ADGRV1: variants seen among roughly 807,000 people sequenced by gnomAD.
The protein encoded by ADGRV1 is G-protein coupled receptor 98.
A neutral mutation model predicts 596.2 loss-of-function variants in ADGRV1; 359 were observed. The observed-to-expected ratio is 0.60, with a 90% CI of 0.55 to 0.66. The LOEUF (loss-of-function observed/expected upper bound fraction) is 0.66. ADGRV1 is among the 30% of genes least tolerant of loss of function. The pLI is 0.00. For missense variants in ADGRV1, 7,274 were observed against 7,575.6 expected, an observed-to-expected ratio of 0.96 and a Z score of 1.48; for synonymous variants, 2,681 against 2,679.2, an observed-to-expected ratio of 1.00 and a Z score of -0.02.
intron 50 of ADGRV1, among the ~76,000 whole-genome samples, chr5:90,732,575 C>A (rs1288042855): frequency 6.6e-6 from 1 of 152,146 alleles, no homozygotes; most frequent in East Asian, 1.9e-4. Context: ...CATCTTATAA[C>A]TGAAAGTTGG....
intron 45 of ADGRV1, among the ~76,000 whole-genome samples, chr5:90,721,571 T>TAAATAAA (rs1554094692): frequency 7.4e-6 from 1 of 135,044 alleles, no homozygotes; most frequent in African/African-American, 2.8e-5. Flanking sequence ...TAAAATAAAA[T>TAAATAAA]AAAATAAAAT....
chr5:90,909,227 G>A (rs1297879498), intron 83 of ADGRV1, among the ~76,000 whole-genome samples: 1 of 152,160 alleles, frequency 6.6e-6, no homozygotes, highest in African/African-American at 2.4e-5. Flanking sequence ...TGTTGCTTGG[G>A]CCTCACATCT....
intron 87 of ADGRV1, among the ~76,000 whole-genome samples, chr5:91,148,697 C>T (rs1474778067): frequency 6.6e-6 from 1 of 152,122 alleles, no homozygotes; most frequent in Non-Finnish European, 1.5e-5. Context: ...GAGAAGAGGC[C>T]CACCATCTTC....
At chr5:90,825,133 C>T (rs2150308622) in intron 76 of ADGRV1, among the ~76,000 whole-genome samples, 1 of 152,250 alleles carries the variant, frequency 6.6e-6, no homozygotes, top group Non-Finnish European at 1.5e-5. Flanking sequence ...GACGGGGTTT[C>T]ACCCTGTTGG....
intron 83 of ADGRV1, among the ~76,000 whole-genome samples, chr5:90,955,580 G>A (rs1222770637): frequency 2.6e-5 from 4 of 152,172 alleles, no homozygotes; most frequent in Admixed American, 6.5e-5. Context: ...ATAAAGGAAT[G>A]AAAAGATCTG....
intron 87 of ADGRV1, among the ~76,000 whole-genome samples, chr5:91,130,167 C>A (rs2950857): frequency 1 from 150,494 of 151,184 alleles, 74,947 homozygotes; most frequent in Middle Eastern, 1. Context: ...TATTTCCATT[C>A]AGCTAAAGTC....
chr5:90,810,588 A>G lies in ADGRV1; in HGVS notation c.15328A>G (p.Ser5110Gly). 1 of 1,614,006 alleles carries G rather than the reference A, an allele frequency of 6.2e-7. No individual in the cohort carries two copies. Among genetic ancestry groups the G allele is most frequent in the East Asian group, 2.2e-5 (1 of 44,892 alleles). Residue 5110 changes from serine (S) to glycine (G), a missense_variant, in exon 74 of 90, where the codon AGC (serine) becomes GGC (glycine). Ser to Gly is a moderately conservative substitution (Grantham distance 56). This residue lies in a region of ADGRV1 where 1,874 missense variants were observed against 1,970.2 expected (regional missense o/e 0.95). Coordinates refer to ENST00000405460, the MANE Select transcript of ADGRV1 (RefSeq NM_032119.4). Reference sequence around the variant, plus strand: ...ATTACAAAAGTTTGATGTTAATTGGAGCCCACGCCTGAATCTAGATTTCAG... The same window carrying G: ...ATTACAAAAGTTTGATGTTAATTGGGGCCCACGCCTGAATCTAGATTTCAG... ...RGLQKFDVNW[S>G]PRLNLDFSVA... is the part of the protein sequence containing the mutation.
At chr5:91,105,757 A>G (rs1346705722) in intron 87 of ADGRV1, among the ~76,000 whole-genome samples, 2 of 152,086 alleles carry the variant, frequency 1.3e-5, no homozygotes, top group African/African-American at 4.8e-5. Flanking sequence ...CTCATCTTCT[A>G]GGTTGTGTTT....
At chr5:91,111,445 G>A (rs1422166803) in intron 87 of ADGRV1, among the ~76,000 whole-genome samples, 1 of 152,152 alleles carries the variant, frequency 6.6e-6, no homozygotes, top group East Asian at 1.9e-4. Flanking sequence ...TGGAATATTG[G>A]ATCAAATTAA....
intron 79 of ADGRV1, 68 bp downstream of exon 79, chr5:90,848,889 T>C (rs1766188376): frequency 1.8e-6 from 2 of 1,099,752 alleles, no homozygotes; most frequent in South Asian, 1.6e-5. Flanking sequence ...AAGCAATATG[T>C]AATGCAAAAT....
intron 1 of ADGRV1, among the ~76,000 whole-genome samples, chr5:90,566,721 T>A (rs750389347): frequency 3.9e-5 from 6 of 152,090 alleles, no homozygotes; most frequent in African/African-American, 2.4e-5. Context: ...TTTTTTTATG[T>A]ATGGTGTTTT....
rs549759045 is a variant in ADGRV1, at chr5:90,915,670, G to C, written c.17857-49745G>C. On this transcript the variant is annotated intron_variant, in intron 83 of 89. Coordinates refer to ENST00000405460, the MANE Select transcript of ADGRV1 (RefSeq NM_032119.4). ...ACTGTGATCAATGCATGCTACCAAG[G>C]GGGTGCTGCTGGCTGACCTATGATG... 2.0e-5 allele frequency among the ~76,000 whole-genome samples: 3 copies of C among 152,220 alleles called. No individual in the cohort carries two copies. In the South Asian group the frequency reaches 6.2e-4, roughly 32 times the overall value.
At chr5:91,022,278 G>C (rs925912302) in intron 85 of ADGRV1, among the ~76,000 whole-genome samples, 1 of 151,956 alleles carries the variant, frequency 6.6e-6, no homozygotes, top group African/African-American at 2.4e-5. Flanking sequence ...ATCTTCATGA[G>C]TAGAATTTAT....
chr5:90,853,923 A>T, intron 80 of ADGRV1, 139 bp from the exon 81 acceptor site: 1 of 672,212 alleles, frequency 1.5e-6, no homozygotes, highest in South Asian at 1.9e-5. Context: ...TCCTGCATGC[A>T]TAAGTGAGCT....
intron 25 of ADGRV1, among the ~76,000 whole-genome samples, chr5:90,678,255 A>T (rs1400348210): frequency 6.6e-6 from 1 of 152,066 alleles, no homozygotes; most frequent in African/African-American, 2.4e-5. Flanking sequence ...ATATTGGTAG[A>T]AGCGTATACG....
At chr5:90,892,137 C>A (rs969146806) in intron 83 of ADGRV1, among the ~76,000 whole-genome samples, 1 of 151,562 alleles carries the variant, frequency 6.6e-6, no homozygotes, top group Non-Finnish European at 1.5e-5. Context: ...TTATCCACTT[C>A]TTTTGCTTTG....
chr5:90,754,954 T>G, intron 54 of ADGRV1, 29 bp from the exon 55 acceptor site: 3 of 1,505,830 alleles, frequency 2.0e-6, no homozygotes, highest in Non-Finnish European at 2.8e-6. Context: ...TAGAAAAGAC[T>G]ATTTACTCGT....
At chr5:90,939,520 G>A (rs757595724) in intron 83 of ADGRV1, among the ~76,000 whole-genome samples, 2 of 152,148 alleles carry the variant, frequency 1.3e-5, no homozygotes, top group Non-Finnish European at 2.9e-5. Context: ...CTTCTGCTTT[G>A]TGAAGATATT....
intron 86 of ADGRV1, among the ~76,000 whole-genome samples, chr5:91,098,085 A>T (rs1791031285): frequency 6.6e-6 from 1 of 152,214 alleles, no homozygotes; most frequent in Non-Finnish European, 1.5e-5. Flanking sequence ...CTTGTTTCCA[A>T]TATTACCAAT....
Sources: gnomAD v4.1 joint callset for allele counts (sites outside exome capture counted in the v4.1 genomes callset) on GRCh38, gnomAD v4.1.1 for gene constraint, gnomAD v4.1.1 regional missense constraint, MANE v1.5 for transcripts, NCBI Gene and HGNC (gene_info 2026-07-23, HGNC 2026-07-21) for gene names.